Variants in PDXDC1 observed in about 807,000 individuals in gnomAD.
PDXDC1 encodes the protein pyridoxal dependent decarboxylase domain containing 1.
In PDXDC1, 42 loss-of-function variants were observed where a neutral mutation model predicts 100.1. That is an observed-to-expected ratio of 0.42 (90% CI 0.33 to 0.54). The LOEUF is 0.54. Ranked by LOEUF, PDXDC1 falls within the 20% of genes least tolerant of loss-of-function variation. The pLI is 0.10. For synonymous variants in PDXDC1, 260 were observed against 371.7 expected (o/e 0.70, Z 3.46); for missense variants, 636 against 979.2 (o/e 0.65, Z 4.68).
intron 1 of PDXDC1, among the ~76,000 whole-genome samples, chr16:14,981,936 CT>C: frequency 6.6e-6 from 1 of 152,158 alleles, no homozygotes; most frequent in Admixed American, 6.6e-5. Flanking sequence ...TCAAGCAATT[CT>C]CCTGTCTTAG....
At chr16:15,115,011 C>T (rs1329740830) in intron 16 of PDXDC1, among the ~76,000 whole-genome samples, 1 of 146,942 alleles carries the variant, frequency 6.8e-6, no homozygotes, top group Non-Finnish European at 1.5e-5. Context: ...TCTCGGCTCG[C>T]TACAACCTCC....
intron 16 of PDXDC1, among the ~76,000 whole-genome samples, chr16:15,097,411 T>A (rs2046394006): frequency 7.3e-6 from 1 of 136,228 alleles, no homozygotes; most frequent in South Asian, 2.2e-4. Context: ...GATCACGAGG[T>A]CAGGAGATCG....
intron 16 of PDXDC1, among the ~76,000 whole-genome samples, chr16:15,117,905 T>G (rs200422684): frequency 0.63 from 2,468 of 3,902 alleles, 915 homozygotes; most frequent in Non-Finnish European, 0.77. Context: ...TTCCCTTGAA[T>G]ATCAAAAAGC....
intron 1 of PDXDC1, among the ~76,000 whole-genome samples, chr16:14,991,621 C>A (rs1455346750): frequency 6.6e-6 from 1 of 151,992 alleles, no homozygotes; most frequent in Non-Finnish European, 1.5e-5. Flanking sequence ...TGGGCTCAAG[C>A]AATCCTCTTG....
intron 16 of PDXDC1, among the ~76,000 whole-genome samples, chr16:15,100,870 C>T (rs539831757): frequency 7.2e-5 from 11 of 152,172 alleles, no homozygotes; most frequent in South Asian, 2.1e-4. Context: ...CCTGTAGTCC[C>T]GGCTACTCAG....
At position 15,038,278 on chromosome 16, in the gene PDXDC1, A is replaced by G; in HGVS notation, c.*2003A>G. ...TGTCCCCTGCTGTGATAAAGATGTC[A>G]AAGTATCTTTGTTCTTGGACACAAA... is the stretch of plus-strand genomic sequence containing the variant. On this transcript the variant is annotated 3_prime_UTR_variant, in exon 23 of 23. Transcript: ENST00000396410. 2 of 1,116,434 alleles carry G rather than the reference A, an allele frequency of 1.8e-6. No homozygotes were observed. Among genetic ancestry groups the G allele is most frequent in the South Asian group, 1.4e-5 (1 of 69,474 alleles). The allele number at this position is 1,116,434 out of a possible 1,614,324, so 69.2% of individuals were successfully genotyped here. A position where few individuals can be genotyped will look rare whatever the true frequency, so the allele number is the denominator to read the frequency against.
At chr16:15,008,678 T>C in intron 6 of PDXDC1, 101 bp from the exon 7 acceptor site, 1 of 1,107,006 alleles carries the variant, frequency 9.0e-7, no homozygotes, top group Admixed American at 2.3e-5. Context: ...AGAGATTTCT[T>C]AGAAGAATAA....
chr16:15,049,850 G>A (rs1470092200), intron 16 of PDXDC1, among the ~76,000 whole-genome samples: 1 of 152,192 alleles, frequency 6.6e-6, no homozygotes, highest in Admixed American at 6.5e-5. Context: ...GGGAAAAAGA[G>A]TTTTGAAATG....
In PDXDC1 at chr16:14,975,164, C is replaced by T. The variant is rs756311781; in HGVS notation, c.-36C>T. The T allele has an allele frequency of 2.1e-5, 30 of 1,461,652 alleles. No homozygotes were observed. In the East Asian group the frequency reaches 7.3e-4, roughly 35 times the overall value. The allele number at this position is 1,461,652 out of a possible 1,614,324, so 90.5% of individuals were successfully genotyped here. On this transcript the variant is annotated 5_prime_UTR_variant, in exon 1 of 23. Transcript: ENST00000396410. ...CGGGGCGCGGGAGGAGGAAGTAGAG[C>T]CCGGGACCGCCAGGCCACCACCGGC...
At chr16:15,077,313 G>C (rs2045502054) in intron 16 of PDXDC1, among the ~76,000 whole-genome samples, 1 of 152,126 alleles carries the variant, frequency 6.6e-6, no homozygotes, top group South Asian at 2.1e-4. Context: ...CCTCCTGTAA[G>C]TCACACATGT....
chr16:15,041,320 G>C (rs2043805534), downstream of PDXDC1, among the ~76,000 whole-genome samples: 1 of 152,114 alleles, frequency 6.6e-6, no homozygotes, highest in Non-Finnish European at 1.5e-5. Flanking sequence ...GGCAGCTGCA[G>C]AATCGGTCCC....
chr16:15,128,120 CA>C (rs1398531160), intron 16 of PDXDC1: 1 of 1,609,632 alleles, frequency 6.2e-7, no homozygotes, highest in Non-Finnish European at 8.5e-7. Flanking sequence ...CTGCAGGAAC[CA>C]GGCAGGGCTG....
intron 16 of PDXDC1, among the ~76,000 whole-genome samples, chr16:15,111,597 A>G (rs1472736354): frequency 2.0e-5 from 3 of 147,394 alleles, no homozygotes; most frequent in Non-Finnish European, 4.5e-5. Context: ...GTCTCTACTA[A>G]AAATACAAAA....
rs149308392 is a variant in PDXDC1 at position 15,035,536 on chromosome 16, C to A, written c.2090C>A (p.Thr697Asn). Residue 697 changes from threonine (T) to asparagine (N), a missense_variant, in exon 22 of 23, where the codon ACC becomes AAC. By Grantham distance (65) the Thr-to-Asn change is moderately conservative. This residue lies in a region of PDXDC1 where 452 missense variants were observed against 402.9 expected (regional missense o/e 1.12). Transcript: ENST00000396410. The stretch of plus-strand genomic sequence containing the variant: ...CCTCCAACGCCCTCGGGCAGTCGCA[C>A]CAAGCAGAGGCTTCCAGGTAAGTGA... ...TLPPTPSGSRTKQRLPGQKPF... is the reference protein window; with the variant it reads ...TLPPTPSGSRNKQRLPGQKPF... 1.2e-6 allele frequency: 2 copies of A among 1,609,642 alleles called. No individual in the cohort carries two copies. The highest frequency in any genetic ancestry group is 2.7e-5 in the African/African-American group (2 of 74,812).
At chr16:15,035,880 TA>T in intron 22 of PDXDC1, 135 bp from the exon 23 acceptor site, 1 of 962,340 alleles carries the variant, frequency 1.0e-6, no homozygotes, top group Non-Finnish European at 1.6e-6. Flanking sequence ...TCTCATCTCC[TA>T]AAACACCTCA....
At chr16:15,040,884 T>G (rs1419793802), downstream of PDXDC1, among the ~76,000 whole-genome samples, 1 of 152,166 alleles carries the variant, frequency 6.6e-6, no homozygotes, top group Non-Finnish European at 1.5e-5. Context: ...ATCTCAGTTT[T>G]ATAGGTAAAG....
chr16:15,035,580 A>G, intron 22 of PDXDC1, 27 bp downstream of exon 22: 3 of 1,392,072 alleles, frequency 2.2e-6, no homozygotes, highest in Non-Finnish European at 3.0e-6. Context: ...CACCGAGTTC[A>G]GGTAACAGGT....
At chr16:15,073,291 T>C (rs1159021767) in intron 16 of PDXDC1, among the ~76,000 whole-genome samples, 1 of 152,106 alleles carries the variant, frequency 6.6e-6, no homozygotes, top group African/African-American at 2.4e-5. Context: ...AAGCTCTGTC[T>C]CTACAAAAAA....
At chr16:15,056,332 G>A (rs186147409) in intron 16 of PDXDC1, among the ~76,000 whole-genome samples, 1 of 152,218 alleles carries the variant, frequency 6.6e-6, no homozygotes, top group Non-Finnish European at 1.5e-5. Flanking sequence ...CCAGCCAAGA[G>A]AGCCTCCGGG....
Sources: allele counts gnomAD v4.1 joint callset (sites outside exome capture counted in the v4.1 genomes callset), GRCh38; gene constraint gnomAD v4.1.1; regional missense constraint gnomAD v4.1.1; transcripts MANE v1.5; gene names NCBI Gene and HGNC (gene_info 2026-07-23, HGNC 2026-07-21).